Variants in SPINK6 observed in about 807,000 individuals in gnomAD.
SPINK6 encodes the protein serine peptidase inhibitor Kazal type 6.
SPINK6 carries 13 observed loss-of-function variants against 11.7 expected under a neutral mutation model. The ratio of observed to expected loss-of-function variants is 1.11; its 90% CI spans 0.72 to 1.76. SPINK6 has a LOEUF of 1.76. SPINK6 is among the 40% of genes most tolerant of loss of function. The pLI is 0.00. For missense variants in SPINK6, 98 were observed against 93.7 expected, an observed-to-expected ratio of 1.05 and a Z score of -0.19; for synonymous variants, 21 against 31.9, an observed-to-expected ratio of 0.66 and a Z score of 1.15.
At chr5:148,209,036 A>G (rs1236454833) in intron 2 of SPINK6, among the ~76,000 whole-genome samples, 1 of 152,142 alleles carries the variant, frequency 6.6e-6, no homozygotes, top group Non-Finnish European at 1.5e-5. Flanking sequence ...ACTTAAGTTT[A>G]TTTTTGCTTG....
At chr5:148,206,288 A>G (rs186358395) in intron 2 of SPINK6, among the ~76,000 whole-genome samples, 222 of 152,340 alleles carry the variant, frequency 1.5e-3, no homozygotes, top group Middle Eastern at 3.4e-3. Flanking sequence ...AATAAAAAAT[A>G]GGATGTATCT....
chr5:148,215,108 C>A lies in SPINK6; in HGVS notation c.*158C>A. ...ATGTATGTCTATTTCTCTTGATTCA[C>A]TTGTCAATAAAGTACATTCTGCAAA... On this transcript the variant is annotated 3_prime_UTR_variant, in exon 4 of 4. Transcript: ENST00000325630. 1 of 588,904 alleles carries A rather than the reference C, an allele frequency of 1.7e-6. No individual in the cohort carries two copies. Among genetic ancestry groups the A allele is most frequent in the Non-Finnish European group, 3.0e-6 (1 of 334,880 alleles). 36.5% of individuals were successfully genotyped at this position (588,904 alleles called of 1,614,324 possible).
At position 148,215,064 on chromosome 5, in the gene SPINK6, C is replaced by A; in HGVS notation, c.*114C>A. 9.9e-7 allele frequency: 1 copy of A among 1,013,618 alleles called. No individual in the cohort carries two copies. Among genetic ancestry groups the A allele is most frequent in the Non-Finnish European group, 1.5e-6 (1 of 658,432 alleles). The allele number at this position is 1,013,618 out of a possible 1,614,324, so 62.8% of individuals were successfully genotyped here. On this transcript the variant is annotated 3_prime_UTR_variant, in exon 4 of 4. Coordinates refer to ENST00000325630, the MANE Select transcript of SPINK6 (RefSeq NM_205841.4). ...ATTCATAAAGACATACCTACTCTGC[C>A]TGGGTCTTGAGGAGTTCAATGTATG...
At chr5:148,209,684 C>T (rs1181614023) in intron 2 of SPINK6, among the ~76,000 whole-genome samples, 1 of 151,784 alleles carries the variant, frequency 6.6e-6, no homozygotes, top group African/African-American at 2.4e-5. Context: ...TTAGTCCAGA[C>T]AAGAAATGTT....
chr5:148,210,074 A>C (rs1316289006), intron 2 of SPINK6, among the ~76,000 whole-genome samples: 3 of 106,902 alleles, frequency 2.8e-5, no homozygotes, highest in African/African-American at 8.3e-5. Flanking sequence ...GTATGTATGC[A>C]TATATGTATG....
chr5:148,212,957 T>C (rs1314723719), intron 2 of SPINK6, among the ~76,000 whole-genome samples: 1 of 148,220 alleles, frequency 6.7e-6, no homozygotes, highest in Non-Finnish European at 1.5e-5. Context: ...ATACATATCC[T>C]ATATAGATTA....
At chr5:148,206,088 G>T (rs1467230010) in intron 2 of SPINK6, 30 bp downstream of exon 2, 3 of 1,613,726 alleles carry the variant, frequency 1.9e-6, no homozygotes, top group Non-Finnish European at 2.5e-6. Context: ...TCTGCTTTCT[G>T]CCTGGGTGGT....
upstream of SPINK6, chr5:148,202,970 C>T: frequency 1.7e-6 from 1 of 584,508 alleles, no homozygotes; most frequent in Admixed American, 3.1e-5. Flanking sequence ...TTGGCAGGCC[C>T]CATTAAATGC....
intron 2 of SPINK6, among the ~76,000 whole-genome samples, chr5:148,210,007 C>CATACACACGTACGTAAGT (rs1554112271): frequency 9.5e-6 from 1 of 105,730 alleles, no homozygotes; most frequent in Non-Finnish European, 1.8e-5. Flanking sequence ...CGTATGTATA[C>CATACACACGTACGTAAGT]ATGTATGTAC....
intron 2 of SPINK6, among the ~76,000 whole-genome samples, chr5:148,212,650 ATATATATT>A (rs1188151723): frequency 2.8e-4 from 28 of 100,718 alleles, no homozygotes; most frequent in African/African-American, 5.3e-4. Flanking sequence ...TAATATAAAT[ATATATATT>A]TATATATTTA....
chr5:148,207,477 G>C (rs1186967389), intron 2 of SPINK6, among the ~76,000 whole-genome samples: 1 of 152,118 alleles, frequency 6.6e-6, no homozygotes, highest in East Asian at 1.9e-4. Context: ...GGCTGGGAGA[G>C]ATGGCAAAGT....
chr5:148,205,926 T>G, intron 1 of SPINK6, 110 bp from the exon 2 acceptor site: 1 of 1,165,302 alleles, frequency 8.6e-7, no homozygotes, highest in Non-Finnish European at 1.3e-6. Context: ...CGATGACTTT[T>G]TAAGATAGCC....
At chr5:148,212,641 A>T (rs867021642) in intron 2 of SPINK6, among the ~76,000 whole-genome samples, 2,258 of 100,884 alleles carry the variant, frequency 0.022, 81 homozygotes, top group African/African-American at 0.089. Flanking sequence ...TATTATATAT[A>T]ATATAAATAT....
chr5:148,202,878 A>G (rs1755450119), upstream of SPINK6: 1 of 410,144 alleles, frequency 2.4e-6, no homozygotes, highest in Non-Finnish European at 4.3e-6. Context: ...GACATTCTCT[A>G]TTAATAAGAT....
Position 148,210,011 on chromosome 5 carries a change from T to TACGTATGTATGC in SPINK6, c.82-3898_82-3897insCGTATGTATGCA, listed in dbSNP as rs1561732242. Reference sequence around the variant, plus strand: ...ATACATATACACGTATGTATACATGTATGTACGCATGTACGCATGCACAAA... The same window carrying TACGTATGTATGC: ...ATACATATACACGTATGTATACATGTACGTATGTATGCATGTACGCATGTACGCATGCACAAA... On this transcript the variant is annotated intron_variant, in intron 2 of 3. Coordinates refer to ENST00000325630, the MANE Select transcript of SPINK6 (RefSeq NM_205841.4). Among the ~76,000 whole-genome samples the TACGTATGTATGC allele has an allele frequency of 6.6e-5, 10 of 150,862 alleles. 3 individuals are homozygous for TACGTATGTATGC. The highest frequency in any genetic ancestry group is 4.2e-4 in the South Asian group (2 of 4,762).
intron 2 of SPINK6, among the ~76,000 whole-genome samples, chr5:148,212,963 G>T (rs145654312): frequency 1.4e-3 from 211 of 147,112 alleles, no homozygotes; most frequent in Middle Eastern, 3.9e-3. Flanking sequence ...ATCCTATATA[G>T]ATTAGTTTAT....
At chr5:148,203,794 T>C (rs936742995) in intron 1 of SPINK6, among the ~76,000 whole-genome samples, 2 of 152,136 alleles carry the variant, frequency 1.3e-5, no homozygotes, top group Non-Finnish European at 2.9e-5. Context: ...TTGGACACTT[T>C]AGTGAGGTTC....
At chr5:148,206,484 ATTAG>A (rs1476057025) in intron 2 of SPINK6, among the ~76,000 whole-genome samples, 3 of 152,184 alleles carry the variant, frequency 2.0e-5, no homozygotes, top group African/African-American at 7.2e-5. Flanking sequence ...CTATATATGT[ATTAG>A]TTATCGATTA....
intron 2 of SPINK6, among the ~76,000 whole-genome samples, chr5:148,209,769 GA>G (rs1312131084): frequency 6.6e-6 from 1 of 151,932 alleles, no homozygotes; most frequent in Non-Finnish European, 1.5e-5. Context: ...TAACACAAGG[GA>G]AAATAAATGG....
Sources: gnomAD v4.1 joint callset for allele counts (sites outside exome capture counted in the v4.1 genomes callset) on GRCh38, gnomAD v4.1.1 for gene constraint, MANE v1.5 for transcripts, NCBI Gene and HGNC (gene_info 2026-07-23, HGNC 2026-07-21) for gene names.